The following TRPV5 variants were observed in gnomAD, a reference collection of about 807,000 sequenced individuals.
TRPV5 encodes the protein calcium transport protein 2.
Under a neutral mutation model 74.1 loss-of-function variants are expected in TRPV5, and 66 were observed. The ratio of observed to expected loss-of-function variants is 0.89; its 90% confidence interval spans 0.73 to 1.09. TRPV5 has a LOEUF of 1.09. Ranked by LOEUF, TRPV5 falls within the 50% of genes least tolerant of loss-of-function variation. The pLI, the probability that TRPV5 is intolerant of heterozygous loss-of-function variation, is 0.00. For missense variants in TRPV5, 936 were observed against 930.4 expected (o/e 1.01, Z -0.08); for synonymous variants, 399 against 360.7 (o/e 1.11, Z -1.20).
In TRPV5 at chr7:142,915,544, T is replaced by C. The variant is rs1795782323; in HGVS notation, c.1147A>G (p.Ile383Val). 6.2e-7 allele frequency: 1 copy of C among 1,614,010 alleles called. No individual in the cohort carries two copies. The highest frequency in any genetic ancestry group is 8.5e-7 in the Non-Finnish European group (1 of 1,180,044). ...ACCAGCTCCCCCACCAGCCTGATGATATCTTCACGTGTCTCATAGGCCTCC... is the reference window on the plus strand; with the variant it reads ...ACCAGCTCCCCCACCAGCCTGATGACATCTTCACGTGTCTCATAGGCCTCC... ...LQEAYETREDIIRLVGELVSI... is the reference protein window; with the variant it reads ...LQEAYETREDVIRLVGELVSI... The change falls in exon 9 of 15, where the codon ATC (isoleucine) becomes GTC (valine). Residue 383 changes from isoleucine (I) to valine (V), a missense_variant. By Grantham distance (29) the Ile-to-Val change is conservative (BLOSUM62 3). Coordinates refer to ENST00000265310, the MANE Select transcript of TRPV5 (RefSeq NM_019841.7).
Position 142,908,799 on chromosome 7 carries a change from G to T in TRPV5, c.1905C>A (p.Asn635Lys), listed in dbSNP as rs368515580. The T allele has an allele frequency of 8.1e-6, 13 of 1,610,792 alleles. No homozygotes were observed. The highest frequency in any genetic ancestry group is 1.1e-5 in the South Asian group (1 of 91,006). ...LGDRWFLRVE[N>K]HNDQNPLRVL... ...CTCGCAGAGGATTCTGATCATTGTG[G>T]TTCTCAACCCTGATAAGGGGAAAGG... Residue 635 changes from asparagine (N) to lysine (K), a missense_variant, in exon 15 of 15, where the codon AAC becomes AAA. Transcript: ENST00000265310.
intron 8 of TRPV5, among the ~76,000 whole-genome samples, chr7:142,917,082 C>T (rs529568689): frequency 1.4e-4 from 20 of 148,064 alleles, no homozygotes; most frequent in Admixed American, 6.7e-4. Context: ...TTTTTTTGTG[C>T]GTTTTTTTTG....
chr7:142,923,495 C>G (rs1586222647), intron 8 of TRPV5, among the ~76,000 whole-genome samples: 2 of 152,096 alleles, frequency 1.3e-5, no homozygotes, highest in African/African-American at 4.8e-5. Flanking sequence ...TTTTCATTAG[C>G]GTTCTTTGTT....
chr7:142,914,795 A>G (rs538817769), intron 11 of TRPV5, 86 bp downstream of exon 11: 3 of 1,608,810 alleles, frequency 1.9e-6, no homozygotes, highest in Non-Finnish European at 2.6e-6. Flanking sequence ...AGGCCCCCAT[A>G]GTTCTACCAG....
rs541941963 is a variant in TRPV5 at position 142,915,178 on chromosome 7, C to A, written c.1286+129G>T. ...CACCTAAAACGCACATACAGTTACA[C>A]CTACAAGTCCACTGGAGAGAAGTCC... On this transcript the variant is annotated intron_variant, in intron 10 of 14. Transcript: ENST00000265310. 10 of 1,511,158 alleles carry A rather than the reference C, an allele frequency of 6.6e-6. No homozygotes were observed. In the African/African-American group the frequency reaches 1.1e-4, roughly 17 times the overall value. The allele number at this position is 1,511,158 out of a possible 1,614,324, so 93.6% of individuals were successfully genotyped here.
intron 8 of TRPV5, 89 bp from the exon 9 acceptor site, chr7:142,915,657 A>G (rs752070301): frequency 3.5e-4 from 452 of 1,301,794 alleles, no homozygotes; most frequent in Non-Finnish European, 4.2e-4. Context: ...AAGCCCATCC[A>G]AAATAAAGGA....
chr7:142,923,842 T>C (rs1176758949), intron 8 of TRPV5, among the ~76,000 whole-genome samples: 3 of 152,146 alleles, frequency 2.0e-5, no homozygotes, highest in African/African-American at 7.2e-5. Context: ...GTTTTGGTTA[T>C]CAGTGGCTCA....
Position 142,909,509 on chromosome 7 carries a change from C to T in TRPV5, c.1876G>A (p.Gly626Arg). The change falls in exon 14 of 15, where the codon GGG becomes AGG. Residue 626 changes from glycine to arginine, a missense_variant. By Grantham distance (125) the Gly-to-Arg change is moderately radical. Coordinates refer to ENST00000265310, the MANE Select transcript of TRPV5 (RefSeq NM_019841.7). ...SGICGCEFGL[G>R]DRWFLRVENH... ...ACTCACCGCAGGAACCAGCGGTCCC[C>T]CAGCCCGAATTCGCACCCACAGATC... The T allele has an allele frequency of 6.2e-7, 1 of 1,614,046 alleles. No individual in the cohort carries two copies. The highest frequency in any genetic ancestry group is 8.5e-7 in the Non-Finnish European group (1 of 1,180,030).
chr7:142,923,132 G>A (rs1411992376), intron 8 of TRPV5, among the ~76,000 whole-genome samples: 1 of 152,150 alleles, frequency 6.6e-6, no homozygotes, highest in Admixed American at 6.5e-5. Flanking sequence ...AGGAAGTCCT[G>A]AAGTGACTGA....
In TRPV5 at chr7:142,908,205, G is replaced by A; in HGVS notation, c.*309C>T. ...GCTTACTACTTTCTAGGGGCTGCGT[G>A]GGGCAGAAGAGAAATGGTCCTGACA... On this transcript the variant is annotated 3_prime_UTR_variant, in exon 15 of 15. Coordinates refer to ENST00000265310, the MANE Select transcript of TRPV5 (RefSeq NM_019841.7). 2.3e-6 allele frequency: 1 copy of A among 433,368 alleles called. No homozygotes were observed. The highest frequency in any genetic ancestry group is 4.0e-5 in the East Asian group (1 of 24,996). 26.8% of individuals were successfully genotyped at this position (433,368 alleles called of 1,614,324 possible).
chr7:142,933,394 A>G lies in TRPV5; in HGVS notation c.66T>C (p.Phe22=), dbSNP rs748410827. The stretch of plus-strand genomic sequence containing the variant: ...GGTCCCAGTCTTGTTCTCTGACCAG[A>G]AAGGAGGGCAGAAGTTTCTGGAGTT... ...GSQLQKLLPS[F]LVREQDWDQH... The change falls in exon 1 of 15, where the codon TTT becomes TTC. Residue 22 remains phenylalanine (F), a synonymous_variant. Transcript: ENST00000265310. The G allele has an allele frequency of 3.2e-5, 52 of 1,613,996 alleles. No homozygotes were observed. The highest frequency in any genetic ancestry group is 4.1e-5 in the Non-Finnish European group (48 of 1,180,022).
intron 6 of TRPV5, 86 bp from the exon 7 acceptor site, chr7:142,928,320 C>A: frequency 7.0e-7 from 1 of 1,438,296 alleles, no homozygotes; most frequent in Non-Finnish European, 9.7e-7. Flanking sequence ...GCCAGTTGCC[C>A]ACCCCTTGAG....
Position 142,925,719 on chromosome 7 carries a change from G to A in TRPV5, c.932C>T (p.Thr311Ile). The stretch of plus-strand genomic sequence containing the variant: ...GAAGCTCACCAGCTCCTTCACTGGG[G>A]TCTGTTCCAGAATTTGGCGAGCCTG... The part of the protein sequence containing the change: ...KREARQILEQ[T>I]PVKELVSFKW... The change falls in exon 8 of 15, where the codon ACC becomes ATC. Residue 311 changes from threonine to isoleucine, a missense_variant. Physicochemically the swap from Thr to Ile is moderately conservative, Grantham distance 89. Coordinates refer to ENST00000265310, the MANE Select transcript of TRPV5 (RefSeq NM_019841.7). 1.9e-6 allele frequency: 3 copies of A among 1,614,138 alleles called. No homozygotes were observed. Among genetic ancestry groups the A allele is most frequent in the Non-Finnish European group, 2.5e-6 (3 of 1,180,002 alleles).
rs1795833943 is a variant in TRPV5, at chr7:142,918,586, G to A, written c.1123-3018C>T. On this transcript the variant is annotated intron_variant, in intron 8 of 14. Transcript: ENST00000265310. The stretch of plus-strand genomic sequence containing the variant: ...CCTTCAGAATAGAAATGCAGGAGAG[G>A]TGGCAGTGGAGAGTGTTCTTTAATC... Among the ~76,000 whole-genome samples, 3 of 152,334 alleles carry A rather than the reference G, an allele frequency of 2.0e-5. No homozygotes were observed. In the East Asian group the frequency reaches 5.8e-4, roughly 29 times the overall value.
chr7:142,912,374 A>C, intron 13 of TRPV5, 108 bp downstream of exon 13: 13 of 1,445,150 alleles, frequency 9.0e-6, no homozygotes, highest in Non-Finnish European at 1.2e-5. Context: ...TGACAGCCTC[A>C]CTGGGTTTTT....
In TRPV5 at chr7:142,929,101, A is replaced by G. The variant is rs1796041327; in HGVS notation, c.507T>C (p.Phe169=). ...LIYFGEHPLS[F]AACVNSEEIV... Reference sequence around the variant, plus strand: ...TCTCCTCGCTGTTCACACAGGCAGCAAAGGACAAAGGGTGCTCCCCTGTGG... The same window carrying G: ...TCTCCTCGCTGTTCACACAGGCAGCGAAGGACAAAGGGTGCTCCCCTGTGG... The change falls in exon 5 of 15, where the codon TTT becomes TTC. Residue 169 remains phenylalanine (F), a synonymous_variant. Coordinates refer to ENST00000265310, the MANE Select transcript of TRPV5 (RefSeq NM_019841.7). 6.2e-7 allele frequency: 1 copy of G among 1,613,976 alleles called. No individual in the cohort carries two copies. The highest frequency in any genetic ancestry group is 8.5e-7 in the Non-Finnish European group (1 of 1,180,006).
At chr7:142,929,655 C>A in intron 3 of TRPV5, 90 bp from the exon 4 acceptor site, 2 of 1,554,464 alleles carry the variant, frequency 1.3e-6, no homozygotes, top group Non-Finnish European at 1.7e-6. Context: ...TCAGGAGGTT[C>A]CTGATAGATC....
intron 8 of TRPV5, among the ~76,000 whole-genome samples, chr7:142,916,884 A>G (rs1187033379): frequency 7.5e-6 from 1 of 133,864 alleles, no homozygotes; most frequent in Non-Finnish European, 1.6e-5. Flanking sequence ...ACCAGACATC[A>G]GTCAACACTT....
At chr7:142,922,088 C>T (rs1014799579) in intron 8 of TRPV5, among the ~76,000 whole-genome samples, 6 of 152,150 alleles carry the variant, frequency 3.9e-5, no homozygotes, top group African/African-American at 1.2e-4. Flanking sequence ...TGCCAACAGT[C>T]ACAGATTATA....
Sources: allele counts gnomAD v4.1 joint callset (sites outside exome capture counted in the v4.1 genomes callset), GRCh38; gene constraint gnomAD v4.1.1; transcripts MANE v1.5; gene names NCBI Gene and HGNC (gene_info 2026-07-23, HGNC 2026-07-21).